TTLL5: variants seen among roughly 807,000 people sequenced by gnomAD.
TTLL5 encodes tubulin tyrosine ligase like 5.
TTLL5 carries 132 observed loss-of-function variants against 168.4 expected under a neutral mutation model. The ratio of observed to expected loss-of-function variants is 0.78; its 90% CI spans 0.68 to 0.91. The LOEUF (loss-of-function observed/expected upper bound fraction) is 0.91, where lower values mean the gene tolerates loss of function less well. TTLL5 is among the 40% of genes least tolerant of loss of function. TTLL5 has a pLI of 0.00. For synonymous variants in TTLL5, 546 were observed against 558.6 expected (o/e 0.98, Z 0.32); for missense variants, 1,545 against 1,581.5 (o/e 0.98, Z 0.39).
chr14:75,948,334 A>T (rs2034843480), intron 31 of TTLL5, among the ~76,000 whole-genome samples: 1 of 151,906 alleles, frequency 6.6e-6, no homozygotes, highest in African/African-American at 2.4e-5. Context: ...AAAATACAAA[A>T]ATTAGCCGGG....
At chr14:75,713,179 A>G (rs771531428) in intron 9 of TTLL5, among the ~76,000 whole-genome samples, 2 of 152,256 alleles carry the variant, frequency 1.3e-5, no homozygotes, top group Admixed American at 6.5e-5. Context: ...GAAGGACCAC[A>G]TATACTATGG....
chr14:75,799,743 A>G (rs1425970846), intron 27 of TTLL5, among the ~76,000 whole-genome samples: 1 of 152,222 alleles, frequency 6.6e-6, no homozygotes, highest in African/African-American at 2.4e-5. Flanking sequence ...TTCACTGGAT[A>G]CAAGATTGTT....
At chr14:75,869,884 A>G (rs1277891590) in intron 29 of TTLL5, among the ~76,000 whole-genome samples, 1 of 121,858 alleles carries the variant, frequency 8.2e-6, no homozygotes, top group African/African-American at 3.2e-5. Flanking sequence ...CAGTGGCGCA[A>G]TCTCAGCTCA....
At chr14:75,793,488 T>G (rs1892833643) in intron 27 of TTLL5, among the ~76,000 whole-genome samples, 1 of 152,226 alleles carries the variant, frequency 6.6e-6, no homozygotes, top group South Asian at 2.1e-4. Context: ...TAAAAAAATT[T>G]TTTTCTATAC....
intron 2 of TTLL5, among the ~76,000 whole-genome samples, chr14:75,667,625 T>C (rs1330332462): frequency 6.6e-6 from 1 of 152,162 alleles, no homozygotes; most frequent in African/African-American, 2.4e-5. Flanking sequence ...GGGAATAAAC[T>C]AGGTATGCTG....
chr14:75,699,579 A>T (rs1004490126), intron 7 of TTLL5, among the ~76,000 whole-genome samples: 5 of 152,220 alleles, frequency 3.3e-5, no homozygotes, highest in Non-Finnish European at 7.3e-5. Flanking sequence ...ATTCCTACAC[A>T]CCAAGTATTA....
At chr14:75,902,619 G>T in intron 31 of TTLL5, 1 of 459,358 alleles carries the variant, frequency 2.2e-6, no homozygotes, top group Non-Finnish European at 4.4e-6. Flanking sequence ...GGCTCAGAAA[G>T]TTGAGGGCTT....
At chr14:75,796,302 T>C (rs113137756) in intron 27 of TTLL5, among the ~76,000 whole-genome samples, 2,264 of 152,306 alleles carry the variant, frequency 0.015, 55 homozygotes, top group African/African-American at 0.052. Context: ...TTTGTTTGAG[T>C]TCCTTGTAGA....
chr14:75,742,937 C>G (rs1889363239), intron 15 of TTLL5, among the ~76,000 whole-genome samples: 1 of 152,188 alleles, frequency 6.6e-6, no homozygotes, highest in Non-Finnish European at 1.5e-5. Flanking sequence ...TATAAACCCT[C>G]TCATTTTAAC....
intron 5 of TTLL5, among the ~76,000 whole-genome samples, chr14:75,688,493 C>G (rs1383974763): frequency 2.6e-5 from 4 of 152,172 alleles, no homozygotes; most frequent in Admixed American, 1.3e-4. Flanking sequence ...AAATGTTTCT[C>G]TGAGTTCTGT....
At chr14:75,840,195 A>T (rs1008485349) in intron 28 of TTLL5, among the ~76,000 whole-genome samples, 21 of 152,166 alleles carry the variant, frequency 1.4e-4, no homozygotes, top group African/African-American at 5.1e-4. Context: ...TGTAATAGTT[A>T]TAGCTTTTAT....
At chr14:75,727,057 G>A (rs1888229634) in intron 12 of TTLL5, among the ~76,000 whole-genome samples, 1 of 152,172 alleles carries the variant, frequency 6.6e-6, no homozygotes, top group African/African-American at 2.4e-5. Context: ...TCTAAGAAAA[G>A]TATAATTCTC....
At chr14:75,842,968 A>G (rs1454337296) in intron 28 of TTLL5, among the ~76,000 whole-genome samples, 6 of 152,184 alleles carry the variant, frequency 3.9e-5, no homozygotes, top group Non-Finnish European at 7.3e-5. Flanking sequence ...TCCATAGCAA[A>G]AAGAAGAAAG....
intron 28 of TTLL5, among the ~76,000 whole-genome samples, chr14:75,826,929 C>T (rs1476832348): frequency 1.3e-5 from 2 of 152,240 alleles, no homozygotes; most frequent in African/African-American, 2.4e-5. Flanking sequence ...AACTAACCCA[C>T]CTGCCCTTCT....
At chr14:75,849,041 T>C (rs1225873477) in intron 28 of TTLL5, among the ~76,000 whole-genome samples, 1 of 152,240 alleles carries the variant, frequency 6.6e-6, no homozygotes, top group Non-Finnish European at 1.5e-5. Context: ...GGAATCTCAT[T>C]GTACTTTTAA....
At position 75,735,175 on chromosome 14, in the gene TTLL5, G is replaced by A. The variant is rs768341757; in HGVS notation, c.1187-20G>A. The A allele has an allele frequency of 2.7e-5, 44 of 1,613,052 alleles. 2 individuals carry two copies. In the South Asian group the frequency reaches 4.6e-4, roughly 17 times the overall value. On this transcript the variant is annotated intron_variant, in intron 14 of 31. Transcript: ENST00000298832. ...TTCTTAGAAAATGGCAGGTTTTAATGTTGCCCATTCCCCATTCAGGATTTG... is the reference window on the plus strand; with the variant it reads ...TTCTTAGAAAATGGCAGGTTTTAATATTGCCCATTCCCCATTCAGGATTTG...
intron 29 of TTLL5, among the ~76,000 whole-genome samples, chr14:75,864,552 G>C (rs543179334): frequency 6.6e-6 from 1 of 152,144 alleles, no homozygotes; most frequent in Admixed American, 6.5e-5. Context: ...CTGAGTGAGG[G>C]AGCTATATAA....
At chr14:75,872,745 A>G (rs1367717273) in intron 29 of TTLL5, among the ~76,000 whole-genome samples, 1 of 151,958 alleles carries the variant, frequency 6.6e-6, no homozygotes, top group Non-Finnish European at 1.5e-5. Context: ...CCCCATCTCT[A>G]CTAAAAATAC....
At chr14:75,782,229 T>C (rs1267876140) in intron 24 of TTLL5, among the ~76,000 whole-genome samples, 1 of 152,110 alleles carries the variant, frequency 6.6e-6, no homozygotes, top group African/African-American at 2.4e-5. Flanking sequence ...TGTCCGTGGA[T>C]GGCTGCCCTG....
Sources: allele counts gnomAD v4.1 joint callset (sites outside exome capture counted in the v4.1 genomes callset), GRCh38; gene constraint gnomAD v4.1.1; transcripts MANE v1.5; gene names NCBI Gene and HGNC (gene_info 2026-07-23, HGNC 2026-07-21).